Variants in ZNF81 observed in about 807,000 individuals in gnomAD.
The protein encoded by ZNF81 is zinc finger protein 81.
ZNF81 carries 5 observed loss-of-function variants against 32.3 expected under a neutral mutation model. The ratio of observed to expected loss-of-function variants is 0.15; its 90% confidence interval spans 0.08 to 0.33. The LOEUF is 0.33. ZNF81 is among the 10% of genes least tolerant of loss of function. The pLI is 1.00. For synonymous variants in ZNF81, 163 were observed against 166.8 expected (o/e 0.98, Z 0.17); for missense variants, 379 against 479.8 (o/e 0.79, Z 1.96).
At chrX:47,875,022 T>G (rs1173857892) in intron 2 of ZNF81, among the ~76,000 whole-genome samples, 1 of 105,957 alleles carries the variant, frequency 9.4e-6, no homozygotes, top group African/African-American at 3.5e-5. Context: ...GGAAACCCCC[T>G]AAGGGAACCA....
intron 2 of ZNF81, among the ~76,000 whole-genome samples, chrX:47,852,831 CG>C (rs1420352365): frequency 8.9e-6 from 1 of 112,698 alleles, no homozygotes; most frequent in African/African-American, 3.2e-5. Context: ...AATGATGAAC[CG>C]TTTACAGGAG....
At chrX:47,898,025 A>G (rs2058685571) in intron 4 of ZNF81, among the ~76,000 whole-genome samples, 1 of 111,991 alleles carries the variant, frequency 8.9e-6, no homozygotes, top group Non-Finnish European at 1.9e-5. Context: ...CACCAAGGTC[A>G]GTTGGGATCT....
chrX:47,887,088 G>A (rs1343953030), intron 2 of ZNF81, among the ~76,000 whole-genome samples: 5 of 111,004 alleles, frequency 4.5e-5, no homozygotes, highest in East Asian at 2.8e-4. Flanking sequence ...CTTCACTTTC[G>A]CCCATTGAAT....
intron 2 of ZNF81, among the ~76,000 whole-genome samples, chrX:47,885,641 G>T (rs2058638497): frequency 8.9e-6 from 1 of 111,848 alleles, no homozygotes; most frequent in Non-Finnish European, 1.9e-5. Context: ...GTGTCCTCCA[G>T]AGGGGGTGAA....
At chrX:47,914,026 A>G (rs1267883506) in intron 4 of ZNF81, among the ~76,000 whole-genome samples, 3 of 111,590 alleles carry the variant, frequency 2.7e-5, no homozygotes, top group African/African-American at 9.8e-5. Flanking sequence ...AGGATTCAAT[A>G]TAAGTATCAT....
At chrX:47,848,616 A>G (rs2058481004) in intron 2 of ZNF81, among the ~76,000 whole-genome samples, 1 of 111,259 alleles carries the variant, frequency 9.0e-6, no homozygotes, top group Non-Finnish European at 1.9e-5. Flanking sequence ...CAAATAATTA[A>G]AGACATATAA....
Position 47,846,982 on chromosome X carries a change from G to T in ZNF81, c.54+661G>T, listed in dbSNP as rs144053246. Among the ~76,000 whole-genome samples, 381 of 111,556 alleles carry T rather than the reference G, an allele frequency of 3.4e-3. 2 individuals carry two copies. The highest frequency in any genetic ancestry group is 0.012 in the African/African-American group (368 of 30,704). Reference sequence around the variant, plus strand: ...TCGGCACAACTTTTTTCTTTTCCCTGGAATTAACAATTTTCTGTCTCAGTC... The same window carrying T: ...TCGGCACAACTTTTTTCTTTTCCCTTGAATTAACAATTTTCTGTCTCAGTC... On this transcript the variant is annotated intron_variant, in intron 2 of 4. Coordinates refer to ENST00000338637, the MANE Select transcript of ZNF81 (RefSeq NM_007137.5).
At chrX:47,865,389 C>T (rs1248002370) in intron 2 of ZNF81, among the ~76,000 whole-genome samples, 1 of 111,928 alleles carries the variant, frequency 8.9e-6, no homozygotes, top group African/African-American at 3.2e-5. Flanking sequence ...AGCTATCTTT[C>T]GTAAGGGGTG....
intron 2 of ZNF81, among the ~76,000 whole-genome samples, chrX:47,871,053 G>C (rs1439160552): frequency 9.0e-6 from 1 of 111,402 alleles, no homozygotes. Flanking sequence ...TAGAATTGGG[G>C]CTTCTGAGCT....
rs1297873114 is a variant in ZNF81, at chrX:47,916,386, G to A, written c.1740G>A (p.Lys580=). 8.3e-7 allele frequency: 1 copy of A among 1,209,826 alleles called. No individual in the cohort carries two copies. Among genetic ancestry groups the A allele is most frequent in the African/African-American group, 1.7e-5 (1 of 57,163 alleles). The change falls in exon 5 of 5, where the codon AAG becomes AAA. Residue 580 remains lysine, a synonymous_variant. Transcript: ENST00000338637. The part of the protein sequence containing the change: ...ITHQRIHTTE[K]PYKCPDCEKS... ...ATCAGAGAATTCATACTACAGAGAA[G>A]CCTTATAAATGTCCTGACTGTGAGA...
In ZNF81 at chrX:47,921,480, G is replaced by A. The variant is rs781982171; in HGVS notation, c.*4848G>A. 9 of 111,002 alleles carry A rather than the reference G, an allele frequency of 8.1e-5. No individual in the cohort carries two copies. In the East Asian group the frequency reaches 2.3e-3, roughly 28 times the overall value. 9.1% of individuals were successfully genotyped at this position (111,002 alleles called of 1,213,427 possible). On this transcript the variant is annotated 3_prime_UTR_variant, in exon 5 of 5. Transcript: ENST00000338637. ...TGAATGAAGCTATCCTAGGCATGCA[G>A]TCTTGGTCAAGGCAACTTTGGCTGG...
chrX:47,843,925 C>T lies in ZNF81; in HGVS notation c.-163-2180C>T, dbSNP rs782741699. On this transcript the variant is annotated intron_variant, in intron 1 of 4. Transcript: ENST00000338637. Reference sequence around the variant, plus strand: ...CTTCCTGGTTTTGGTTTTTGTTTTGCTTAATTTTGTTTTTTCTAATTCTAA... The same window carrying T: ...CTTCCTGGTTTTGGTTTTTGTTTTGTTTAATTTTGTTTTTTCTAATTCTAA... Among the ~76,000 whole-genome samples, 389 of 111,069 alleles carry T rather than the reference C, an allele frequency of 3.5e-3. No individual in the cohort carries two copies. In the Middle Eastern group the frequency reaches 0.037, roughly 11 times the overall value.
intron 2 of ZNF81, among the ~76,000 whole-genome samples, chrX:47,854,212 C>T (rs188859127): frequency 2.7e-5 from 3 of 112,576 alleles, no homozygotes; most frequent in East Asian, 2.8e-4. Flanking sequence ...TCAGCAGCTT[C>T]CTCACCTCTC....
chrX:47,891,603 CA>C (rs1556886482), intron 3 of ZNF81, among the ~76,000 whole-genome samples: 1 of 111,950 alleles, frequency 8.9e-6, no homozygotes, highest in Admixed American at 9.4e-5. Context: ...TATGTCCTTC[CA>C]ATTATGTATT....
At chrX:47,843,458 CACACACAT>C (rs1239146331) in intron 1 of ZNF81, among the ~76,000 whole-genome samples, 1 of 110,571 alleles carries the variant, frequency 9.0e-6, no homozygotes, top group Non-Finnish European at 1.9e-5. Flanking sequence ...CACACACACA[CACACACAT>C]TCTTGACTCC....
intron 1 of ZNF81, among the ~76,000 whole-genome samples, chrX:47,838,440 C>T (rs2058433736): frequency 1.8e-5 from 2 of 111,586 alleles, no homozygotes; most frequent in African/African-American, 6.5e-5. Flanking sequence ...AGCTGTAGGG[C>T]TTTCTTTTTT....
intron 2 of ZNF81, among the ~76,000 whole-genome samples, chrX:47,876,918 T>G (rs1237639702): frequency 5.3e-5 from 6 of 112,321 alleles, no homozygotes; most frequent in Non-Finnish European, 1.1e-4. Context: ...CTCCTTTTTG[T>G]TGGACCACCT....
chrX:47,857,582 T>C lies in ZNF81; in HGVS notation c.54+11261T>C, dbSNP rs192506881. Among the ~76,000 whole-genome samples, 5 of 111,689 alleles carry C rather than the reference T, an allele frequency of 4.5e-5. No homozygotes were observed. The East Asian group carries it at 1.4e-3, about 31-fold the overall frequency. On this transcript the variant is annotated intron_variant, in intron 2 of 4. Transcript: ENST00000338637. ...TTTCCTTCCTGTTAGAAATGATCTTTCCACTGAACCCTTTCCCCTCCCTTC... is the reference window on the plus strand; with the variant it reads ...TTTCCTTCCTGTTAGAAATGATCTTCCCACTGAACCCTTTCCCCTCCCTTC...
At chrX:47,853,133 A>G (rs2058502153) in intron 2 of ZNF81, among the ~76,000 whole-genome samples, 2 of 110,930 alleles carry the variant, frequency 1.8e-5, no homozygotes, top group Non-Finnish European at 3.8e-5. Context: ...TCAGTAAACT[A>G]TGCTGTAAAC....
Sources: gnomAD v4.1 joint callset for allele counts (sites outside exome capture counted in the v4.1 genomes callset) on GRCh38, gnomAD v4.1.1 for gene constraint, MANE v1.5 for transcripts, NCBI Gene and HGNC (gene_info 2026-07-23, HGNC 2026-07-21) for gene names.